GPBP1L1: variants seen among roughly 807,000 people sequenced by gnomAD.
GPBP1L1 encodes the protein GC-rich promoter binding protein 1 like 1, also known as vasculin-like protein 1.
A neutral mutation model predicts 52.5 loss-of-function variants in GPBP1L1; 23 were observed. The observed-to-expected ratio is 0.44, with a 90% CI of 0.32 to 0.62. The LOEUF (loss-of-function observed/expected upper bound fraction) is 0.62. Ranked by LOEUF, GPBP1L1 falls within the 20% of genes least tolerant of loss-of-function variation. GPBP1L1 has a pLI of 0.06. For synonymous variants in GPBP1L1, 243 were observed against 203.1 expected, an observed-to-expected ratio of 1.20 and a Z score of -1.67; for missense variants, 596 against 579.3, an observed-to-expected ratio of 1.03 and a Z score of -0.30.
intron 7 of GPBP1L1, among the ~76,000 whole-genome samples, chr1:45,640,904 G>A (rs1397638389): frequency 2.0e-5 from 3 of 152,132 alleles, no homozygotes; most frequent in Non-Finnish European, 4.4e-5. Flanking sequence ...TGTGGTCCCA[G>A]CTACTTAGGA....
At chr1:45,640,513 A>C (rs1644658645) in intron 7 of GPBP1L1, 110 bp from the exon 8 acceptor site, 2 of 849,446 alleles carry the variant, frequency 2.4e-6, no homozygotes, top group Non-Finnish European at 3.9e-6. Context: ...GTTGAGACAG[A>C]GGGATTAAAC....
intron 2 of GPBP1L1, among the ~76,000 whole-genome samples, chr1:45,678,489 C>A (rs920688938): frequency 2.6e-5 from 4 of 151,996 alleles, no homozygotes; most frequent in African/African-American, 9.7e-5. Flanking sequence ...TGATACAATG[C>A]AAAATGAGGA....
chr1:45,672,890 T>C (rs142868534), intron 2 of GPBP1L1, among the ~76,000 whole-genome samples: 5 of 152,232 alleles, frequency 3.3e-5, no homozygotes, highest in African/African-American at 1.2e-4. Flanking sequence ...TGATGTTGGA[T>C]AGGGGAGGTG....
chr1:45,674,009 G>A (rs1386855518), intron 2 of GPBP1L1, among the ~76,000 whole-genome samples: 4 of 152,278 alleles, frequency 2.6e-5, no homozygotes, highest in Non-Finnish European at 4.4e-5. Flanking sequence ...ACACGGGAGC[G>A]GGAGGCTGCA....
intron 2 of GPBP1L1, among the ~76,000 whole-genome samples, chr1:45,681,423 A>G (rs1276735856): frequency 6.6e-6 from 1 of 152,236 alleles, no homozygotes; most frequent in Non-Finnish European, 1.5e-5. Context: ...AAGGAAAAAA[A>G]CTGAGGAGAA....
At chr1:45,645,953 G>C in intron 6 of GPBP1L1, 6 of 493,382 alleles carry the variant, frequency 1.2e-5, no homozygotes, top group Admixed American at 2.2e-5. Context: ...CGTTTTTCTA[G>C]ATCTTTGAGT....
chr1:45,629,614 C>CT lies in GPBP1L1; in HGVS notation c.1233dup (p.Glu412ArgfsTer3). On this transcript the variant is annotated frameshift_variant, in exon 12 of 13. Transcript: ENST00000355105. LOFTEE classifies it high-confidence loss of function. ...ATGTGGAACTCTTTGAGCTCATCCT[C>CT]TGTGAGGGGAAGGCAATTCTCATCA... 6.2e-7 allele frequency: 1 copy of CT among 1,613,566 alleles called. No individual in the cohort carries two copies. Among genetic ancestry groups the CT allele is most frequent in the Non-Finnish European group, 8.5e-7 (1 of 1,179,470 alleles).
rs1557708599 is a variant in GPBP1L1, at chr1:45,655,242, T to A, written c.138A>T (p.Arg46=). 3 of 1,614,164 alleles carry A rather than the reference T, an allele frequency of 1.9e-6. No homozygotes were observed. The highest frequency in any genetic ancestry group is 1.7e-6 in the Non-Finnish European group (2 of 1,180,012). Residue 46 remains arginine (R), a synonymous_variant, in exon 5 of 13, where the codon CGA becomes CGT. Coordinates refer to ENST00000355105, the MANE Select transcript of GPBP1L1 (RefSeq NM_021639.5). ...TAAAAAAACCATCAGAGGAATTATG[T>A]CGACGGCGGCTTACTCCAAATCTAC... ...GEGRFGVSRR[R]HNSSDGFFNN... is the part of the protein sequence containing the mutation.
At position 45,660,312 on chromosome 1, in the gene GPBP1L1, G is replaced by A; in HGVS notation, c.-184C>T. Reference sequence around the variant, plus strand: ...AGCACGACTTATGATGAAGCACGAAGAAGCCAGGTTCTGTGTCGATCACTC... The same window carrying A: ...AGCACGACTTATGATGAAGCACGAAAAAGCCAGGTTCTGTGTCGATCACTC... On this transcript the variant is annotated 5_prime_UTR_variant, in exon 3 of 13. Coordinates refer to ENST00000355105, the MANE Select transcript of GPBP1L1 (RefSeq NM_021639.5). 1.0e-6 allele frequency: 1 copy of A among 985,278 alleles called. No homozygotes were observed. Among genetic ancestry groups the A allele is most frequent in the Non-Finnish European group, 1.2e-6 (1 of 829,912 alleles). The allele number at this position is 985,278 out of a possible 1,614,324, so 61.0% of individuals were successfully genotyped here.
rs1267726824 is a variant in GPBP1L1 at position 45,659,117 on chromosome 1, G to A, written c.-30C>T. The stretch of plus-strand genomic sequence containing the variant: ...GTCCAGTGTCTCCTTTCAGTAAGGT[G>A]AGGCATCCAACCTCATGGCCAGGAT... On this transcript the variant is annotated 5_prime_UTR_variant, in exon 4 of 13. Transcript: ENST00000355105. 2 of 1,612,838 alleles carry A rather than the reference G, an allele frequency of 1.2e-6. No homozygotes were observed. Among genetic ancestry groups the A allele is most frequent in the Non-Finnish European group, 1.7e-6 (2 of 1,179,118 alleles).
In GPBP1L1 at chr1:45,640,423, A is replaced by G; in HGVS notation, c.551-20T>C. 1 of 1,594,616 alleles carries G rather than the reference A, an allele frequency of 6.3e-7. No individual in the cohort carries two copies. Among genetic ancestry groups the G allele is most frequent in the Non-Finnish European group, 8.6e-7 (1 of 1,163,716 alleles). The stretch of plus-strand genomic sequence containing the variant: ...GGTTTTCTGTGAAGTACAAGAGTGG[A>G]GAGACAACAGAATGTCAAACCTGTT... On this transcript the variant is annotated intron_variant, in intron 7 of 12. Transcript: ENST00000355105.
chr1:45,682,211 T>C (rs1645219843), intron 2 of GPBP1L1, among the ~76,000 whole-genome samples: 1 of 152,238 alleles, frequency 6.6e-6, no homozygotes, highest in Admixed American at 6.5e-5. Flanking sequence ...AACTTTTCTA[T>C]ATACTTATAA....
chr1:45,638,243 C>A (rs879704551), intron 8 of GPBP1L1, among the ~76,000 whole-genome samples: 2 of 152,182 alleles, frequency 1.3e-5, no homozygotes, highest in Non-Finnish European at 2.9e-5. Flanking sequence ...TTCCAACAGA[C>A]TTCCTCATCC....
At chr1:45,661,431 GAA>G (rs1003594212) in intron 2 of GPBP1L1, among the ~76,000 whole-genome samples, 3 of 151,100 alleles carry the variant, frequency 2.0e-5, no homozygotes, top group African/African-American at 7.3e-5. Context: ...AAGGATTTGA[GAA>G]AAGTCATCTA....
chr1:45,640,288 T>G lies in GPBP1L1; in HGVS notation c.666A>C (p.Ala222=). 6.2e-7 allele frequency: 1 copy of G among 1,614,196 alleles called. No homozygotes were observed. The highest frequency in any genetic ancestry group is 1.1e-5 in the South Asian group (1 of 91,080). The change falls in exon 8 of 13, where the codon GCA becomes GCC. Residue 222 remains alanine (A), a synonymous_variant. Transcript: ENST00000355105. ...CCACGGATGACAATTTGTTCCCATT[T>G]GCATGGTGAGATCCTGGTGAGGTGA... The part of the protein sequence containing the change: ...AAFTSPGSHH[A]NGNKLSSVVP...
intron 2 of GPBP1L1, among the ~76,000 whole-genome samples, chr1:45,671,273 G>A (rs1645071473): frequency 7.4e-6 from 1 of 135,440 alleles, no homozygotes; most frequent in South Asian, 2.5e-4. Flanking sequence ...ACAGTGGTGT[G>A]ATCTCAGCTC....
intron 6 of GPBP1L1, 77 bp from the exon 7 acceptor site, chr1:45,642,576 T>A (rs1287892993): frequency 1.0e-6 from 1 of 985,130 alleles, no homozygotes; most frequent in Admixed American, 1.8e-5. Flanking sequence ...GCCATCACCA[T>A]GGAACCTATC....
At chr1:45,635,337 T>C (rs1249629546) in intron 8 of GPBP1L1, 4 of 152,144 alleles carry the variant, frequency 2.6e-5, no homozygotes, top group Non-Finnish European at 5.9e-5. Context: ...GAAGATTAAT[T>C]TTTTTCTTGC....
At chr1:45,656,078 GT>G in intron 4 of GPBP1L1, 1 of 152,146 alleles carries the variant, frequency 6.6e-6, no homozygotes, top group Non-Finnish European at 1.5e-5. Context: ...AACTACTAGA[GT>G]TTTTACAGTT....
Sources: gnomAD v4.1 joint callset for allele counts (sites outside exome capture counted in the v4.1 genomes callset) on GRCh38, gnomAD v4.1.1 for gene constraint, MANE v1.5 for transcripts, NCBI Gene and HGNC (gene_info 2026-07-23, HGNC 2026-07-21) for gene names.